ACADM: variants seen among roughly 807,000 people sequenced by gnomAD.
ACADM encodes medium-chain specific acyl-CoA dehydrogenase, mitochondrial.
In ACADM, 49 loss-of-function variants were observed where a neutral mutation model predicts 58.9. The ratio of observed to expected loss-of-function variants is 0.83; its 90% CI spans 0.66 to 1.06. ACADM has a LOEUF of 1.06. ACADM is among the 50% of genes least tolerant of loss of function. The pLI, the probability that ACADM is intolerant of heterozygous loss-of-function variation, is 0.00. For synonymous variants in ACADM, 160 were observed against 157.7 expected, an observed-to-expected ratio of 1.01 and a Z score of -0.11; for missense variants, 496 against 507.0, an observed-to-expected ratio of 0.98 and a Z score of 0.21.
chr1:75,761,455 T>G (rs1038402825), intron 11 of ACADM, 85 bp downstream of exon 11: 3 of 1,473,192 alleles, frequency 2.0e-6, no homozygotes, highest in Non-Finnish European at 2.8e-6. Context: ...TTTAGAAATT[T>G]TATGTCCCTA....
chr1:75,737,277 CAAATATATATATATATATATATATATAT>C (rs1647302315), intron 6 of ACADM, among the ~76,000 whole-genome samples: 1 of 64,954 alleles, frequency 1.5e-5, no homozygotes, highest in Non-Finnish European at 2.6e-5. Context: ...CACACACACA[CAAATATATATATATATATATATATATAT>C]ATATATATAT....
chr1:75,748,677 C>T (rs972890281), intron 8 of ACADM, among the ~76,000 whole-genome samples: 2 of 152,016 alleles, frequency 1.3e-5, no homozygotes, highest in Non-Finnish European at 2.9e-5. Flanking sequence ...AAAGACTACG[C>T]GGAGAGAAAT....
Position 75,733,761 on chromosome 1 carries a change from A to G in ACADM, c.387+133A>G. On this transcript the variant is annotated intron_variant, in intron 5 of 11. Coordinates refer to ENST00000370841, the MANE Select transcript of ACADM (RefSeq NM_000016.6). ...CTAGGTAAGGTTAGTGGGTACACACAGTTTTCTTTAAAGAGGAACACAAGA... is the reference window on the plus strand; with the variant it reads ...CTAGGTAAGGTTAGTGGGTACACACGGTTTTCTTTAAAGAGGAACACAAGA... The G allele has an allele frequency of 6.9e-6, 5 of 723,788 alleles. No individual in the cohort carries two copies. In the South Asian group the frequency reaches 8.1e-5, roughly 12 times the overall value. 44.8% of individuals were successfully genotyped at this position (723,788 alleles called of 1,614,324 possible).
chr1:75,731,512 A>C (rs1234818387), intron 2 of ACADM, among the ~76,000 whole-genome samples: 2 of 152,152 alleles, frequency 1.3e-5, no homozygotes, highest in African/African-American at 4.8e-5. Context: ...CAAGGATACC[A>C]TGGATTTGAA....
rs149859131 is a variant in ACADM, at chr1:75,750,710, TG to T, written c.945+165del. The T allele has an allele frequency of 1.3e-3, 887 of 680,848 alleles. 1 individual carries two copies. Among genetic ancestry groups the T allele is most frequent in the Admixed American group, 2.1e-3 (99 of 46,296 alleles). The allele number at this position is 680,848 out of a possible 1,614,324, so 42.2% of individuals were successfully genotyped here. The stretch of plus-strand genomic sequence containing the variant: ...TTCAAAGACATTTCTTTTTAGAGTG[TG>T]CCACTATTGGTTACTTCTGAACCTG... On this transcript the variant is annotated intron_variant, in intron 10 of 11. Coordinates refer to ENST00000370841, the MANE Select transcript of ACADM (RefSeq NM_000016.6).
Position 75,762,958 on chromosome 1 carries a change from A to G in ACADM, c.*195A>G, listed in dbSNP as rs1241273655. The G allele has an allele frequency of 8.7e-6, 4 of 462,118 alleles. No individual in the cohort carries two copies. Among genetic ancestry groups the G allele is most frequent in the South Asian group, 3.0e-5 (1 of 32,936 alleles). 28.6% of individuals were successfully genotyped at this position (462,118 alleles called of 1,614,324 possible). ...TTAAGCAGGTTTGGTTTTTATTAAA[A>G]TGATGTGTTTTCTTTAGTACCACTT... is the stretch of plus-strand genomic sequence containing the variant. On this transcript the variant is annotated 3_prime_UTR_variant, in exon 12 of 12. Coordinates refer to ENST00000370841, the MANE Select transcript of ACADM (RefSeq NM_000016.6).
chr1:75,738,515 C>T (rs1647394147), intron 6 of ACADM, among the ~76,000 whole-genome samples: 1 of 152,208 alleles, frequency 6.6e-6, no homozygotes, highest in South Asian at 2.1e-4. Flanking sequence ...AAGCCTCAGC[C>T]ACCACGCCCG....
Position 75,732,449 on chromosome 1 carries a change from T to G in ACADM, c.119-195T>G, listed in dbSNP as rs186325925. ...AAGTTAAAAATCTTACCTATTTCCTTTAGCATTTGTATTGACATAGGTTTA... is the reference window on the plus strand; with the variant it reads ...AAGTTAAAAATCTTACCTATTTCCTGTAGCATTTGTATTGACATAGGTTTA... On this transcript the variant is annotated intron_variant, in intron 2 of 11. Transcript: ENST00000370841. 5.7e-5 allele frequency: 34 copies of G among 594,304 alleles called. No individual in the cohort carries two copies. The Admixed American group carries it at 8.7e-4, about 15-fold the overall frequency. The allele number at this position is 594,304 out of a possible 1,614,324, so 36.8% of individuals were successfully genotyped here.
At chr1:75,742,571 T>C (rs1647638887) in intron 7 of ACADM, among the ~76,000 whole-genome samples, 1 of 152,320 alleles carries the variant, frequency 6.6e-6, no homozygotes, top group East Asian at 1.9e-4. Flanking sequence ...CTGGCCCTTC[T>C]TCGGGACTAC....
chr1:75,753,959 CTTT>C (rs34768581), intron 10 of ACADM, among the ~76,000 whole-genome samples: 17 of 114,068 alleles, frequency 1.5e-4, no homozygotes, highest in Admixed American at 2.7e-4. Context: ...CCATGCTCAG[CTTT>C]TTTTTTTTTT....
chr1:75,741,419 T>A (rs1461636460), intron 7 of ACADM, among the ~76,000 whole-genome samples: 1 of 152,194 alleles, frequency 6.6e-6, no homozygotes. Context: ...TATTAAAATT[T>A]AACAAGTTGA....
intron 2 of ACADM, among the ~76,000 whole-genome samples, chr1:75,731,541 G>A (rs1557443519): frequency 6.6e-6 from 1 of 152,092 alleles, no homozygotes; most frequent in East Asian, 1.9e-4. Flanking sequence ...GTTAGCAATT[G>A]ACTCCTCTCC....
At chr1:75,727,267 T>A (rs902695317) in intron 1 of ACADM, among the ~76,000 whole-genome samples, 2 of 152,250 alleles carry the variant, frequency 1.3e-5, no homozygotes, top group Non-Finnish European at 2.9e-5. Flanking sequence ...CATGTAGGAA[T>A]TCGTCTTTTA....
rs1277718014 is a variant in ACADM at position 75,762,712 on chromosome 1, A to G, written c.1215A>G (p.Gln405=). 6.2e-7 allele frequency: 1 copy of G among 1,607,526 alleles called. No homozygotes were observed. Among genetic ancestry groups the G allele is most frequent in the Non-Finnish European group, 8.5e-7 (1 of 1,174,450 alleles). ...TGCAGATTTATGAAGGTACTTCACA[A>G]ATTCAAAGACTTATTGTAGCCCGTG... The part of the protein sequence containing the change: ...KIYQIYEGTS[Q]IQRLIVAREH... The change falls in exon 12 of 12, where the codon CAA becomes CAG. Residue 405 remains glutamine, a synonymous_variant. Coordinates refer to ENST00000370841, the MANE Select transcript of ACADM (RefSeq NM_000016.6).
intron 10 of ACADM, among the ~76,000 whole-genome samples, chr1:75,758,963 T>C (rs1156735948): frequency 2.0e-5 from 3 of 152,210 alleles, no homozygotes; most frequent in Non-Finnish European, 4.4e-5. Flanking sequence ...CAATAAATCT[T>C]GCTGCTGCTT....
At chr1:75,746,030 A>T in intron 8 of ACADM, 116 bp downstream of exon 8, 2 of 774,836 alleles carry the variant, frequency 2.6e-6, no homozygotes, top group Non-Finnish European at 4.3e-6. Context: ...GTAAAAATAA[A>T]GCTATGTTTT....
chr1:75,749,481 G>A lies in ACADM; in HGVS notation c.771G>A (p.Val257=), dbSNP rs762143899. The A allele has an allele frequency of 6.8e-6, 11 of 1,614,086 alleles. No individual in the cohort carries two copies. Among genetic ancestry groups the A allele is most frequent in the South Asian group, 5.5e-5 (5 of 91,078 alleles). Residue 257 remains valine (V), a synonymous_variant, in exon 9 of 12, where the codon GTG becomes GTA. Transcript: ENST00000370841. ...TRGIVFEDVK[V]PKENVLIGDG... ...GAATTGTCTTCGAAGATGTGAAAGTGCCTAAAGAAAATGTTTTAATTGGTG... is the reference window on the plus strand; with the variant it reads ...GAATTGTCTTCGAAGATGTGAAAGTACCTAAAGAAAATGTTTTAATTGGTG...
At chr1:75,747,541 T>A (rs1239349084) in intron 8 of ACADM, among the ~76,000 whole-genome samples, 2 of 152,188 alleles carry the variant, frequency 1.3e-5, no homozygotes, top group Non-Finnish European at 2.9e-5. Flanking sequence ...ATCCTAGCAC[T>A]TTGGGAGGTT....
chr1:75,735,400 TG>T (rs1647229825), intron 6 of ACADM, among the ~76,000 whole-genome samples: 1 of 151,866 alleles, frequency 6.6e-6, no homozygotes, highest in Admixed American at 6.6e-5. Context: ...GTGATGTTTT[TG>T]GGATGTCAAA....
Sources: allele counts gnomAD v4.1 joint callset (sites outside exome capture counted in the v4.1 genomes callset), GRCh38; gene constraint gnomAD v4.1.1; transcripts MANE v1.5; gene names NCBI Gene and HGNC (gene_info 2026-07-23, HGNC 2026-07-21).